Variants in ANKRD11 observed in about 807,000 individuals in gnomAD.
ANKRD11 encodes the protein ankyrin repeat domain-containing protein 11.
Under a neutral mutation model 195.7 loss-of-function variants are expected in ANKRD11, and 17 were observed. The ratio of observed to expected loss-of-function variants is 0.09; its 90% CI spans 0.06 to 0.13. The LOEUF (loss-of-function observed/expected upper bound fraction) is 0.13, where lower values mean the gene tolerates loss of function less well. ANKRD11 is among the 10% of genes least tolerant of loss of function. The pLI is 1.00. For missense variants in ANKRD11, 3,735 were observed against 3,566.1 expected (o/e 1.05, Z -1.21); for synonymous variants, 1,953 against 1,528.1 (o/e 1.28, Z -6.49).
intron 2 of ANKRD11, among the ~76,000 whole-genome samples, chr16:89,345,279 G>C (rs1034282047): frequency 2.3e-5 from 3 of 129,118 alleles, no homozygotes; most frequent in African/African-American, 9.3e-5. Flanking sequence ...AAAGGAGAGA[G>C]AGAAGACCCA....
chr16:89,275,334 G>C (rs1336918562), intron 9 of ANKRD11, 143 bp from the exon 10 acceptor site: 1 of 670,442 alleles, frequency 1.5e-6, no homozygotes, highest in Non-Finnish European at 2.5e-6. Context: ...CCCAGCAACA[G>C]ACACACCAGG....
intron 1 of ANKRD11, among the ~76,000 whole-genome samples, chr16:89,430,368 A>C (rs1409652980): frequency 6.7e-6 from 1 of 148,562 alleles, no homozygotes; most frequent in Non-Finnish European, 1.5e-5. Context: ...TCTCACGCTC[A>C]GTCGTTCTAG....
At chr16:89,353,069 G>T (rs2039295501) in intron 2 of ANKRD11, among the ~76,000 whole-genome samples, 1 of 152,234 alleles carries the variant, frequency 6.6e-6, no homozygotes, top group African/African-American at 2.4e-5. Context: ...GCTGGGCGCG[G>T]TGGCTCACGC....
chr16:89,288,740 C>A, intron 6 of ANKRD11, 70 bp from the exon 7 acceptor site: 1 of 1,609,362 alleles, frequency 6.2e-7, no homozygotes, highest in Non-Finnish European at 8.5e-7. Context: ...GGAGGCAGCG[C>A]CCTGAGGATG....
intron 1 of ANKRD11, among the ~76,000 whole-genome samples, chr16:89,467,602 G>T (rs539594136): frequency 3.0e-4 from 45 of 152,206 alleles, no homozygotes; most frequent in African/African-American, 1.1e-3. Context: ...CTGGTCTCAA[G>T]TGATCCCCCG....
chr16:89,365,298 T>G (rs2152067265), intron 2 of ANKRD11, among the ~76,000 whole-genome samples: 1 of 152,314 alleles, frequency 6.6e-6, no homozygotes, highest in African/African-American at 2.4e-5. Flanking sequence ...AACCCTTGTG[T>G]CATCACCTCC....
Position 89,280,970 on chromosome 16 carries a change from G to A in ANKRD11, c.5572C>T (p.Pro1858Ser). 1 of 1,570,826 alleles carries A rather than the reference G, an allele frequency of 6.4e-7. No homozygotes were observed. The change falls in exon 9 of 13, where the codon CCG (proline) becomes TCG (serine). Residue 1858 changes from proline to serine, a missense_variant. Coordinates refer to ENST00000301030, the MANE Select transcript of ANKRD11 (RefSeq NM_013275.6). ...PGYYSPDYGLPSPKVDALHCP... is the reference protein window; with the variant it reads ...PGYYSPDYGLSSPKVDALHCP... ...TGCAAAGCGTCGACTTTGGGCGACG[G>A]GAGGCCATAGTCTGGGGAGTAGTAC...
At position 89,479,422 on chromosome 16, in the gene ANKRD11, C is replaced by T. The variant is rs532946437; in HGVS notation, c.-145+10823G>A. 1.1e-4 allele frequency among the ~76,000 whole-genome samples: 16 copies of T among 148,524 alleles called. No individual in the cohort carries two copies. The South Asian group carries it at 3.4e-3, about 32-fold the overall frequency. On this transcript the variant is annotated intron_variant, in intron 1 of 12. Coordinates refer to ENST00000301030, the MANE Select transcript of ANKRD11 (RefSeq NM_013275.6). ...CCGAGGCAGGCGGATCATCTGAGGT[C>T]GGGAGTTTGAGACCAGCCTGACCAA...
chr16:89,464,899 A>C (rs2056830808), intron 1 of ANKRD11, among the ~76,000 whole-genome samples: 1 of 152,202 alleles, frequency 6.6e-6, no homozygotes, highest in African/African-American at 2.4e-5. Flanking sequence ...TTCCAAGTTC[A>C]TCTACTATGA....
chr16:89,341,152 A>C (rs1004578206), intron 2 of ANKRD11, among the ~76,000 whole-genome samples: 28 of 152,230 alleles, frequency 1.8e-4, no homozygotes, highest in Admixed American at 1.8e-3. Flanking sequence ...CACTGCGAAA[A>C]GCCTGAAACC....
chr16:89,368,010 C>CA (rs1324263631), intron 2 of ANKRD11, among the ~76,000 whole-genome samples: 4 of 151,734 alleles, frequency 2.6e-5, no homozygotes, highest in South Asian at 2.1e-4. Flanking sequence ...TCTCTCAAAA[C>CA]AAAAAACAAA....
intron 2 of ANKRD11, among the ~76,000 whole-genome samples, chr16:89,329,497 G>A (rs1002108881): frequency 1.3e-5 from 2 of 152,098 alleles, no homozygotes; most frequent in Admixed American, 6.5e-5. Context: ...AACGGTATAC[G>A]TTTCCCAAAA....
intron 2 of ANKRD11, among the ~76,000 whole-genome samples, chr16:89,321,631 T>G (rs2037333602): frequency 1.3e-5 from 2 of 152,062 alleles, no homozygotes; most frequent in South Asian, 4.1e-4. Flanking sequence ...TGTTCTGTTC[T>G]GCACACTAAC....
chr16:89,461,793 A>G (rs1029390889), intron 1 of ANKRD11, among the ~76,000 whole-genome samples: 1 of 152,186 alleles, frequency 6.6e-6, no homozygotes, highest in African/African-American at 2.4e-5. Flanking sequence ...AACTATGGTC[A>G]TTCCCATTAA....
At chr16:89,375,462 C>G (rs1208830574) in intron 2 of ANKRD11, among the ~76,000 whole-genome samples, 20 of 12,964 alleles carry the variant, frequency 1.5e-3, no homozygotes, top group Non-Finnish European at 1.2e-3. Flanking sequence ...AAGACTCTAT[C>G]TCTTTTTTTT....
At chr16:89,286,628 T>TC in intron 7 of ANKRD11, 1 of 1,199,936 alleles carries the variant, frequency 8.3e-7, no homozygotes, top group South Asian at 1.5e-5. Context: ...TGGAAAGGGT[T>TC]GGGGGGACAG....
chr16:89,380,652 C>T (rs2040603655), intron 2 of ANKRD11, among the ~76,000 whole-genome samples: 1 of 152,206 alleles, frequency 6.6e-6, no homozygotes, highest in Non-Finnish European at 1.5e-5. Context: ...AGACAGGCTT[C>T]TAGATCTGCA....
At chr16:89,463,534 G>A (rs974839396) in intron 1 of ANKRD11, among the ~76,000 whole-genome samples, 27 of 152,254 alleles carry the variant, frequency 1.8e-4, no homozygotes, top group African/African-American at 2.4e-4. Flanking sequence ...CAAACACTGC[G>A]GAAGGCCGCA....
intron 2 of ANKRD11, among the ~76,000 whole-genome samples, chr16:89,330,934 T>C (rs963176196): frequency 2.0e-5 from 3 of 152,206 alleles, no homozygotes; most frequent in Admixed American, 6.5e-5. Context: ...AATTAAAATT[T>C]TGAAAAATAT....
Sources: gnomAD v4.1 joint callset for allele counts (sites outside exome capture counted in the v4.1 genomes callset) on GRCh38, gnomAD v4.1.1 for gene constraint, MANE v1.5 for transcripts, NCBI Gene and HGNC (gene_info 2026-07-23, HGNC 2026-07-21) for gene names.